Variants in ANK3 observed in about 807,000 individuals in gnomAD.
The protein encoded by ANK3 is ankyrin-3.
In ANK3, 57 loss-of-function variants were observed where a neutral mutation model predicts 370.9. The ratio of observed to expected loss-of-function variants is 0.15; its 90% CI spans 0.12 to 0.19. ANK3 has a LOEUF of 0.19. ANK3 is among the 10% of genes least tolerant of loss of function. The pLI, the probability that ANK3 is intolerant of heterozygous loss-of-function variation, is 1.00. For synonymous variants in ANK3, 1,929 were observed against 1,946.3 expected (o/e 0.99, Z 0.23); for missense variants, 4,439 against 5,302.1 (o/e 0.84, Z 5.06).
At chr10:60,395,669 A>T (rs2063223090) in intron 2 of ANK3, among the ~76,000 whole-genome samples, 2 of 142,284 alleles carry the variant, frequency 1.4e-5, no homozygotes, top group Non-Finnish European at 3.0e-5. Flanking sequence ...TTTCTTTTGT[A>T]GAGGTGAGGC....
Position 60,303,091 on chromosome 10 carries a change from A to C in ANK3, c.115-23452T>G, listed in dbSNP as rs2044189492. ...ATTACAGGCTTAAATGTAAGACCCC[A>C]AACCATGAAACTATAGAAGAAAACA... On this transcript the variant is annotated intron_variant, in intron 1 of 43. Transcript: ENST00000280772. 1.3e-5 allele frequency among the ~76,000 whole-genome samples: 2 copies of C among 152,238 alleles called. 1 individual carries two copies. Among genetic ancestry groups the C allele is most frequent in the South Asian group, 4.1e-4 (2 of 4,834 alleles).
intron 14 of ANK3, among the ~76,000 whole-genome samples, chr10:60,197,475 G>C (rs2096605466): frequency 6.6e-6 from 1 of 152,116 alleles, no homozygotes; most frequent in Admixed American, 6.5e-5. Flanking sequence ...AGCTGGTATG[G>C]TGAAATGCCT....
intron 38 of ANK3, among the ~76,000 whole-genome samples, chr10:60,065,830 A>T (rs2081529627): frequency 6.6e-6 from 1 of 152,216 alleles, no homozygotes; most frequent in African/African-American, 2.4e-5. Flanking sequence ...TTCACATCTC[A>T]TTGAAGCATT....
intron 42 of ANK3, among the ~76,000 whole-genome samples, chr10:60,052,607 C>T (rs767331247): frequency 4.6e-5 from 7 of 152,144 alleles, no homozygotes; most frequent in Admixed American, 1.3e-4. Flanking sequence ...GGAAAAACTA[C>T]CAAGGGGCAA....
intron 4 of ANK3, among the ~76,000 whole-genome samples, chr10:60,275,878 A>C (rs1029337684): frequency 7.9e-5 from 12 of 152,228 alleles, no homozygotes; most frequent in African/African-American, 2.9e-4. Flanking sequence ...GGGGGATGTC[A>C]TTTGACTGTG....
At chr10:60,036,584 C>T (rs931480513) in intron 43 of ANK3, among the ~76,000 whole-genome samples, 9 of 151,532 alleles carry the variant, frequency 5.9e-5, no homozygotes, top group Non-Finnish European at 1.0e-4. Flanking sequence ...TACAGGTGCC[C>T]GCCACCACAC....
intron 18 of ANK3, among the ~76,000 whole-genome samples, chr10:60,180,948 C>T (rs186637741): frequency 3.3e-5 from 5 of 152,184 alleles, no homozygotes; most frequent in Admixed American, 6.5e-5. Flanking sequence ...TCATGCTGAA[C>T]GAACGTAGAG....
At chr10:60,202,215 A>T (rs1358158108) in intron 12 of ANK3, among the ~76,000 whole-genome samples, 4 of 151,940 alleles carry the variant, frequency 2.6e-5, no homozygotes, top group Non-Finnish European at 2.9e-5. Flanking sequence ...TCCGCCTCCC[A>T]GGTTCAGGCA....
At chr10:60,228,217 T>G (rs2097192172) in intron 8 of ANK3, among the ~76,000 whole-genome samples, 1 of 152,206 alleles carries the variant, frequency 6.6e-6, no homozygotes. Context: ...ACTTTCCAGT[T>G]GGTAGATACT....
intron 1 of ANK3, among the ~76,000 whole-genome samples, chr10:60,346,915 G>GGTTGATATT (rs2055657380): frequency 1.3e-5 from 2 of 150,824 alleles, no homozygotes; most frequent in Non-Finnish European, 1.5e-5. Context: ...TGTTGTTTAG[G>GGTTGATATT]CCCTGATATT....
At chr10:60,485,729 T>C (rs924446563) in intron 2 of ANK3, among the ~76,000 whole-genome samples, 5 of 152,196 alleles carry the variant, frequency 3.3e-5, no homozygotes, top group African/African-American at 1.2e-4. Context: ...TTGTGGTGTA[T>C]CTCCAGCTTT....
chr10:60,673,896 T>C (rs1490032661), intron 1 of ANK3, among the ~76,000 whole-genome samples: 1 of 152,094 alleles, frequency 6.6e-6, no homozygotes, highest in Non-Finnish European at 1.5e-5. Flanking sequence ...ATGCAAGGTG[T>C]TTGGTGGCAT....
intron 2 of ANK3, among the ~76,000 whole-genome samples, chr10:60,525,778 G>A (rs2076454475): frequency 6.6e-6 from 1 of 152,120 alleles, no homozygotes; most frequent in African/African-American, 2.4e-5. Flanking sequence ...CATTATTCGT[G>A]TTATTGTGGG....
At chr10:60,041,856 T>G (rs10740004) in intron 43 of ANK3, among the ~76,000 whole-genome samples, 1 of 151,818 alleles carries the variant, frequency 6.6e-6, no homozygotes, top group East Asian at 1.9e-4. Flanking sequence ...ATACCAGTAT[T>G]CTGGCAAGCA....
intron 2 of ANK3, among the ~76,000 whole-genome samples, chr10:60,527,929 C>T (rs1005673990): frequency 2.0e-5 from 3 of 152,082 alleles, no homozygotes; most frequent in African/African-American, 7.2e-5. Context: ...CCCCTAACTG[C>T]TCCAAAGAGC....
At chr10:60,199,304 G>A (rs2096636610) in intron 13 of ANK3, among the ~76,000 whole-genome samples, 1 of 152,264 alleles carries the variant, frequency 6.6e-6, no homozygotes, top group African/African-American at 2.4e-5. Context: ...GTAGAGAAAC[G>A]AGGCTAGAAT....
intron 1 of ANK3, among the ~76,000 whole-genome samples, chr10:60,379,084 C>T (rs564074778): frequency 9.9e-5 from 15 of 151,860 alleles, no homozygotes; most frequent in East Asian, 5.8e-4. Flanking sequence ...AGAAAACATA[C>T]GACAAATATA....
intron 23 of ANK3, among the ~76,000 whole-genome samples, chr10:60,164,135 G>A (rs2095562289): frequency 6.6e-6 from 1 of 152,246 alleles, no homozygotes; most frequent in Non-Finnish European, 1.5e-5. Context: ...TTTGTTTTGG[G>A]ATTTGCAGTA....
At chr10:60,539,091 CA>C (rs1337015886) in intron 2 of ANK3, among the ~76,000 whole-genome samples, 3 of 151,714 alleles carry the variant, frequency 2.0e-5, no homozygotes, top group African/African-American at 7.2e-5. Context: ...AATACATTTT[CA>C]GAGATCTGTT....
Sources: gnomAD v4.1 joint callset for allele counts (sites outside exome capture counted in the v4.1 genomes callset) on GRCh38, gnomAD v4.1.1 for gene constraint, MANE v1.5 for transcripts, NCBI Gene and HGNC (gene_info 2026-07-23, HGNC 2026-07-21) for gene names.